The following CLCN4 variants were observed in gnomAD, a reference collection of about 807,000 sequenced individuals.
CLCN4 encodes H(+)/Cl(-) exchange transporter 4.
In CLCN4, 1 loss-of-function variant was observed where a neutral mutation model predicts 41.7. The observed-to-expected ratio is 0.02, with a 90% CI of 0.01 to 0.11. The LOEUF is 0.11. CLCN4 is among the 10% of genes least tolerant of loss of function. The pLI, the probability that CLCN4 is intolerant of heterozygous loss-of-function variation, is 1.00. For missense variants in CLCN4, 287 were observed against 661.0 expected, an observed-to-expected ratio of 0.43 and a Z score of 6.20; for synonymous variants, 277 against 285.8, an observed-to-expected ratio of 0.97 and a Z score of 0.31.
chrX:10,209,150 C>T (rs1454271031), intron 9 of CLCN4, among the ~76,000 whole-genome samples: 3 of 111,147 alleles, frequency 2.7e-5, no homozygotes, highest in East Asian at 2.8e-4. Context: ...GCTGGTATGA[C>T]GGGAGCACAG....
intron 11 of CLCN4, among the ~76,000 whole-genome samples, chrX:10,216,169 A>G (rs1056173503): frequency 8.9e-6 from 1 of 112,472 alleles, no homozygotes; most frequent in Admixed American, 9.4e-5. Flanking sequence ...CCAAGATAGT[A>G]TGGATCAGAA....
Position 10,208,605 on chromosome X carries a change from A to C in CLCN4, c.1389+15A>C. On this transcript the variant is annotated intron_variant, in intron 9 of 12. Transcript: ENST00000380833. ...TTGGCATGAAGGTAAGTGAAAGGGA[A>C]GGAAGATGGGGTGGGGACCCATGTC... 8.4e-7 allele frequency: 1 copy of C among 1,185,509 alleles called. No individual in the cohort carries two copies. Among genetic ancestry groups the C allele is most frequent in the Non-Finnish European group, 1.1e-6 (1 of 880,830 alleles).
intron 6 of CLCN4, among the ~76,000 whole-genome samples, chrX:10,204,390 T>C (rs1328404556): frequency 8.9e-6 from 1 of 111,856 alleles, no homozygotes; most frequent in South Asian, 3.7e-4. Flanking sequence ...CCCAAACATA[T>C]ATCATTGGAA....
At chrX:10,197,872 G>A (rs1569228295) in intron 5 of CLCN4, 67 bp from the exon 6 acceptor site, 5 of 1,171,246 alleles carry the variant, frequency 4.3e-6, no homozygotes, top group African/African-American at 1.8e-5. Context: ...GATGGGGAGG[G>A]GTTGAGTCTG....
intron 2 of CLCN4, among the ~76,000 whole-genome samples, chrX:10,173,790 G>A (rs943573601): frequency 8.9e-6 from 1 of 111,989 alleles, no homozygotes; most frequent in East Asian, 2.8e-4. Context: ...GAGAAGCGCT[G>A]GTCTAGGTGA....
intron 2 of CLCN4, among the ~76,000 whole-genome samples, chrX:10,161,159 C>CTG (rs1879743870): frequency 9.5e-6 from 1 of 105,404 alleles, no homozygotes; most frequent in African/African-American, 3.5e-5. Context: ...CTCTCTCTCT[C>CTG]TCTGTCTGTC....
intron 4 of CLCN4, among the ~76,000 whole-genome samples, chrX:10,190,415 A>T (rs1923928682): frequency 8.9e-6 from 1 of 111,779 alleles, no homozygotes; most frequent in Non-Finnish European, 1.9e-5. Flanking sequence ...TTAAAAAGTT[A>T]AAAAATCAAG....
chrX:10,166,355 G>A (rs926297593), intron 2 of CLCN4, among the ~76,000 whole-genome samples: 7 of 112,390 alleles, frequency 6.2e-5, no homozygotes, highest in African/African-American at 2.3e-4. Context: ...CACCCAGTCC[G>A]TGGTGCTTGG....
intron 6 of CLCN4, among the ~76,000 whole-genome samples, chrX:10,204,083 A>G (rs900296858): frequency 3.6e-5 from 4 of 111,866 alleles, no homozygotes; most frequent in Admixed American, 2.9e-4. Flanking sequence ...GAGGTAGAAA[A>G]GTTGTTTGAT....
intron 2 of CLCN4, among the ~76,000 whole-genome samples, chrX:10,166,759 C>G (rs1923260509): frequency 8.9e-6 from 1 of 112,391 alleles, no homozygotes; most frequent in Non-Finnish European, 1.9e-5. Flanking sequence ...GAAGAAGTCT[C>G]TGGGGAAATT....
At chrX:10,210,650 C>CTT (rs34763016) in intron 9 of CLCN4, among the ~76,000 whole-genome samples, 1,509 of 74,933 alleles carry the variant, frequency 0.02, 23 homozygotes, top group Middle Eastern at 0.038. Flanking sequence ...CCTGAATTGT[C>CTT]TTTTTTTTTT....
intron 12 of CLCN4, among the ~76,000 whole-genome samples, chrX:10,230,878 G>A (rs1013580661): frequency 1.8e-5 from 2 of 111,770 alleles, no homozygotes; most frequent in African/African-American, 6.5e-5. Flanking sequence ...TTACTTTAGA[G>A]TGTACTCTGT....
At chrX:10,169,782 TTTTCTTTTC>T (rs1426812608) in intron 2 of CLCN4, among the ~76,000 whole-genome samples, 1,514 of 64,506 alleles carry the variant, frequency 0.023, 45 homozygotes, top group African/African-American at 0.11. Flanking sequence ...TTTCTTTTTC[TTTTCTTTTC>T]TTTTTTTTTT....
intron 12 of CLCN4, 47 bp from the exon 13 acceptor site, chrX:10,233,444 AGTC>A (rs1259296389): frequency 1.1e-6 from 1 of 902,882 alleles, no homozygotes; most frequent in African/African-American, 2.0e-5. Flanking sequence ...GAGAGGGATG[AGTC>A]GTCGTTTCAA....
At position 10,169,666 on chromosome X, in the gene CLCN4, C is replaced by T. The variant is rs753098312; in HGVS notation, c.-12+11115C>T. 5.5e-4 allele frequency among the ~76,000 whole-genome samples: 61 copies of T among 111,276 alleles called. 1 individual carries two copies. The highest frequency in any genetic ancestry group is 1.4e-3 in the Admixed American group (15 of 10,514). On this transcript the variant is annotated intron_variant, in intron 2 of 12. Transcript: ENST00000380833. ...TATAAAACTGGTGGGTGATGGTGGA[C>T]GTTTCAAAACCACTCACGTGTGACA...
chrX:10,209,079 G>A (rs1924469305), intron 9 of CLCN4, among the ~76,000 whole-genome samples: 1 of 111,776 alleles, frequency 8.9e-6, no homozygotes, highest in South Asian at 3.7e-4. Context: ...CCCTTGCAGA[G>A]CACACAGCTC....
chrX:10,200,651 G>A (rs1924216904), intron 6 of CLCN4, among the ~76,000 whole-genome samples: 1 of 111,919 alleles, frequency 8.9e-6, no homozygotes, highest in African/African-American at 3.2e-5. Context: ...GGTGATAGCT[G>A]AACTCAGAAG....
intron 4 of CLCN4, among the ~76,000 whole-genome samples, 200 bp from the exon 5 acceptor site, chrX:10,194,711 G>T (rs1421606501): frequency 8.9e-6 from 1 of 112,073 alleles, no homozygotes; most frequent in African/African-American, 3.3e-5. Flanking sequence ...GTGCTGCCTT[G>T]CCCATAACAT....
At chrX:10,209,392 C>T (rs1459654675) in intron 9 of CLCN4, among the ~76,000 whole-genome samples, 1 of 103,404 alleles carries the variant, frequency 9.7e-6, no homozygotes, top group East Asian at 3.0e-4. Context: ...CCCTTCCTTT[C>T]GTCTTGTTCC....
Sources: allele counts gnomAD v4.1 joint callset (sites outside exome capture counted in the v4.1 genomes callset), GRCh38; gene constraint gnomAD v4.1.1; transcripts MANE v1.5; gene names NCBI Gene and HGNC (gene_info 2026-07-23, HGNC 2026-07-21).